ANKFY1: variants seen among roughly 807,000 people sequenced by gnomAD.
The protein encoded by ANKFY1 is ankyrin repeat and FYVE domain-containing protein 1.
ANKFY1 carries 47 observed loss-of-function variants against 128.3 expected under a neutral mutation model. The ratio of observed to expected loss-of-function variants is 0.37; its 90% CI spans 0.29 to 0.47. The LOEUF is 0.47. Ranked by LOEUF, ANKFY1 falls within the 20% of genes least tolerant of loss-of-function variation. The pLI, the probability that ANKFY1 is intolerant of heterozygous loss-of-function variation, is 1.00. For synonymous variants in ANKFY1, 553 were observed against 601.6 expected (o/e 0.92, Z 1.18); for missense variants, 1,222 against 1,510.6 (o/e 0.81, Z 3.17).
chr17:4,183,589 T>C (rs200694638), intron 13 of ANKFY1, 38 bp from the exon 14 acceptor site: 365 of 1,602,982 alleles, frequency 2.3e-4, no homozygotes, highest in Non-Finnish European at 2.0e-4. Context: ...GGCTCGGCTT[T>C]TCCCGCTTCC....
At chr17:4,194,895 A>G in intron 10 of ANKFY1, 83 bp downstream of exon 10, 3 of 1,334,296 alleles carry the variant, frequency 2.2e-6, no homozygotes, top group Admixed American at 1.9e-5. Context: ...TTCAGTTTCT[A>G]AATTTGGGGT....
chr17:4,179,896 T>G lies in ANKFY1; in HGVS notation c.2241-19A>C. The G allele has an allele frequency of 3.1e-6, 5 of 1,613,556 alleles. No homozygotes were observed. Among genetic ancestry groups the G allele is most frequent in the Non-Finnish European group, 4.2e-6 (5 of 1,179,912 alleles). ...ACAGCCACTGAAAGGAATGGGGACA[T>G]TTTAAAAAACGCCACGCTTGGACCT... On this transcript the variant is annotated intron_variant, in intron 16 of 24. Coordinates refer to ENST00000341657, the MANE Select transcript of ANKFY1 (RefSeq NM_001330063.2).
At chr17:4,226,985 TATTTCTG>T (rs1298622911) in intron 3 of ANKFY1, among the ~76,000 whole-genome samples, 1 of 152,090 alleles carries the variant, frequency 6.6e-6, no homozygotes, top group Non-Finnish European at 1.5e-5. Context: ...TAAATAGACA[TATTTCTG>T]AAAAACAAAA....
At position 4,167,618 on chromosome 17, in the gene ANKFY1, C is replaced by T. The variant is rs1241602767; in HGVS notation, c.*161G>A. Reference sequence around the variant, plus strand: ...ACACACACTGACAATCATATGGAATCATTTGAAATGGGATCTATCACACCA... The same window carrying T: ...ACACACACTGACAATCATATGGAATTATTTGAAATGGGATCTATCACACCA... On this transcript the variant is annotated 3_prime_UTR_variant, in exon 25 of 25. Transcript: ENST00000341657. This position sits in a 1 kb window ranked among gnomAD's most constrained non-coding sequence, Gnocchi z 4.1. 3.2e-6 allele frequency: 2 copies of T among 626,314 alleles called. No homozygotes were observed. The highest frequency in any genetic ancestry group is 5.1e-6 in the Non-Finnish European group (2 of 394,072). The allele number at this position is 626,314 out of a possible 1,614,324, so 38.8% of individuals were successfully genotyped here. A position where few individuals can be genotyped will look rare whatever the true frequency, so the allele number is the denominator to read the frequency against.
chr17:4,228,811 T>C (rs1196698506), intron 3 of ANKFY1, among the ~76,000 whole-genome samples: 1 of 152,162 alleles, frequency 6.6e-6, no homozygotes, highest in East Asian at 1.9e-4. Context: ...TGTGGGCAGT[T>C]TACTGTACTT....
At chr17:4,243,084 T>C (rs1442297347) in intron 1 of ANKFY1, among the ~76,000 whole-genome samples, 1 of 152,090 alleles carries the variant, frequency 6.6e-6, no homozygotes, top group African/African-American at 2.4e-5. Flanking sequence ...GTTTGTTTGT[T>C]TGAGACAGAG....
chr17:4,251,071 G>A (rs1967800811), intron 1 of ANKFY1, among the ~76,000 whole-genome samples: 1 of 152,086 alleles, frequency 6.6e-6, no homozygotes, highest in Non-Finnish European at 1.5e-5. Flanking sequence ...GCATCAAACT[G>A]GCATCAAGAT....
chr17:4,172,486 C>T, intron 22 of ANKFY1, 70 bp downstream of exon 22: 1 of 1,575,838 alleles, frequency 6.3e-7, no homozygotes, highest in South Asian at 1.2e-5. Context: ...CGACGTGTGC[C>T]TGGGCTCTTG....
At chr17:4,252,482 C>T (rs1967891101) in intron 1 of ANKFY1, among the ~76,000 whole-genome samples, 3 of 151,966 alleles carry the variant, frequency 2.0e-5, no homozygotes, top group Admixed American at 6.6e-5. Context: ...GATGGAAGGA[C>T]TGCTTGAGCC....
intron 1 of ANKFY1, among the ~76,000 whole-genome samples, chr17:4,257,358 C>T (rs1407049891): frequency 6.9e-6 from 1 of 145,144 alleles, no homozygotes; most frequent in African/African-American, 2.4e-5. Flanking sequence ...CCTGTTCTGT[C>T]GCTACCGTGG....
At chr17:4,201,925 A>T (rs966434687) in intron 7 of ANKFY1, among the ~76,000 whole-genome samples, 5 of 152,206 alleles carry the variant, frequency 3.3e-5, no homozygotes, top group African/African-American at 1.2e-4. Flanking sequence ...TAAAGACAAC[A>T]ATATATTAGC....
chr17:4,255,831 T>C (rs1245061999), intron 1 of ANKFY1, among the ~76,000 whole-genome samples: 1 of 151,698 alleles, frequency 6.6e-6, no homozygotes, highest in Admixed American at 6.6e-5. Context: ...TTTTTTTTTC[T>C]TTTGAAACGG....
Position 4,170,828 on chromosome 17 carries a change from T to C in ANKFY1, c.3173A>G (p.Asn1058Ser), listed in dbSNP as rs1171542536. 1.2e-6 allele frequency: 2 copies of C among 1,614,074 alleles called. No individual in the cohort carries two copies. The highest frequency in any genetic ancestry group is 1.3e-5 in the African/African-American group (1 of 74,934). ...LLLAYMKGNA[N>S]LCRAIVRSGA... ...CGACCGGACGATGGCGCGGCACAAGTTGGCGTTCCCTTTCATGTATGCCAG... is the reference window on the plus strand; with the variant it reads ...CGACCGGACGATGGCGCGGCACAAGCTGGCGTTCCCTTTCATGTATGCCAG... Residue 1058 changes from asparagine to serine, a missense_variant, in exon 23 of 25, where the codon AAC (asparagine) becomes AGC (serine). Physicochemically the swap from Asn to Ser is conservative, Grantham distance 46 (BLOSUM62 1). Transcript: ENST00000341657.
At chr17:4,194,196 C>T (rs530947840) in intron 10 of ANKFY1, among the ~76,000 whole-genome samples, 4 of 148,098 alleles carry the variant, frequency 2.7e-5, no homozygotes, top group Non-Finnish European at 5.9e-5. Flanking sequence ...GCAACCTCTG[C>T]CTCCCAGTTT....
intron 1 of ANKFY1, among the ~76,000 whole-genome samples, chr17:4,246,676 T>C (rs1967557974): frequency 6.6e-6 from 1 of 152,192 alleles, no homozygotes; most frequent in Non-Finnish European, 1.5e-5. Flanking sequence ...AACCTAAATC[T>C]TTTGCTCCTC....
intron 1 of ANKFY1, among the ~76,000 whole-genome samples, chr17:4,256,217 A>C (rs1968110241): frequency 1.3e-5 from 2 of 152,156 alleles, no homozygotes; most frequent in South Asian, 4.2e-4. Context: ...TTACGAACTG[A>C]GGAGATCGAG....
At chr17:4,252,018 A>G (rs1466340080) in intron 1 of ANKFY1, among the ~76,000 whole-genome samples, 2 of 151,366 alleles carry the variant, frequency 1.3e-5, no homozygotes, top group Non-Finnish European at 2.9e-5. Flanking sequence ...TGGGCAACAG[A>G]ACGAGACTCC....
intron 19 of ANKFY1, 129 bp from the exon 20 acceptor site, chr17:4,174,185 G>A (rs2059373573): frequency 1.8e-6 from 2 of 1,121,026 alleles, no homozygotes; most frequent in South Asian, 1.6e-5. Flanking sequence ...AGAGCTGGGA[G>A]CATAGGAGCT....
At position 4,185,612 on chromosome 17, in the gene ANKFY1, G is replaced by A. The variant is rs566769887; in HGVS notation, c.1471-566C>T. On this transcript the variant is annotated intron_variant, in intron 11 of 24. Coordinates refer to ENST00000341657, the MANE Select transcript of ANKFY1 (RefSeq NM_001330063.2). Reference sequence around the variant, plus strand: ...TTCCCAAATAGCTGGGGTTACAGGCGTGAGGCACTGCGCCTGGTTCCACCC... The same window carrying A: ...TTCCCAAATAGCTGGGGTTACAGGCATGAGGCACTGCGCCTGGTTCCACCC... Among the ~76,000 whole-genome samples, 30 of 152,206 alleles carry A rather than the reference G, an allele frequency of 2.0e-4. No homozygotes were observed. In the East Asian group the frequency reaches 2.7e-3, roughly 14 times the overall value.
Sources: allele counts gnomAD v4.1 joint callset (sites outside exome capture counted in the v4.1 genomes callset), GRCh38; gene constraint gnomAD v4.1.1; non-coding constraint Gnocchi (gnomAD v3.1); transcripts MANE v1.5; gene names NCBI Gene and HGNC (gene_info 2026-07-23, HGNC 2026-07-21).